ASTN1: variants seen among roughly 807,000 people sequenced by gnomAD.
ASTN1 encodes the protein astrotactin-1.
In ASTN1, 41 loss-of-function variants were observed where a neutral mutation model predicts 140.7. The observed-to-expected ratio is 0.29, with a 90% CI of 0.23 to 0.38. The LOEUF is 0.38. Among genes scored for constraint, ASTN1 ranks in the 10% least tolerant of loss-of-function variants. The pLI is 1.00. For missense variants in ASTN1, 1,479 were observed against 1,678.8 expected, an observed-to-expected ratio of 0.88 and a Z score of 2.08; for synonymous variants, 640 against 652.2, an observed-to-expected ratio of 0.98 and a Z score of 0.29.
At chr1:176,911,544 A>T (rs1356503894) in intron 16 of ASTN1, among the ~76,000 whole-genome samples, 1 of 151,062 alleles carries the variant, frequency 6.6e-6, no homozygotes, top group African/African-American at 2.4e-5. Flanking sequence ...TTATTTTTTT[A>T]TTTTTTTTAC....
rs547397175 is a variant in ASTN1, at chr1:177,129,642, A to G, written c.283+34752T>C. Among the ~76,000 whole-genome samples the G allele has an allele frequency of 2.6e-5, 4 of 152,336 alleles. No homozygotes were observed. In the East Asian group the frequency reaches 7.7e-4, roughly 29 times the overall value. ...AGTGACGTGCTAAAAGTCATGCTAT[A>G]TTCTCTTCCTTGCATTCCATCTTCT... On this transcript the variant is annotated intron_variant, in intron 1 of 22. Transcript: ENST00000361833.
chr1:176,884,360 C>A lies in ASTN1; in HGVS notation c.3205G>T (p.Asp1069Tyr), dbSNP rs1282608240. Reference sequence around the variant, plus strand: ...TCACCTGTCTCCACTTTGGAGTGGTCCATCCTGTCAGTGACTTTCTCTTGA... The same window carrying A: ...TCACCTGTCTCCACTTTGGAGTGGTACATCCTGTCAGTGACTTTCTCTTGA... ...LRQEKVTDRM[D>Y]HSKVETETVL... Residue 1069 changes from aspartate (D) to tyrosine (Y), a missense_variant, in exon 19 of 23, where the codon GAC becomes TAC. By Grantham distance (160) the Asp-to-Tyr change is radical. This residue lies in a region of ASTN1 where 746 missense variants were observed against 800.9 expected (regional missense o/e 0.93). Transcript: ENST00000361833. 4 of 1,614,022 alleles carry A rather than the reference C, an allele frequency of 2.5e-6. No homozygotes were observed. Among genetic ancestry groups the A allele is most frequent in the African/African-American group, 1.3e-5 (1 of 74,922 alleles).
At chr1:177,061,312 A>G (rs1238450899) in intron 1 of ASTN1, 47 bp from the exon 2 acceptor site, 1 of 1,421,854 alleles carries the variant, frequency 7.0e-7, no homozygotes, top group Non-Finnish European at 9.3e-7. Flanking sequence ...GGATGGGACC[A>G]AGTTTTTCAT....
chr1:177,032,514 C>T lies in ASTN1; in HGVS notation c.807G>A (p.Thr269=), dbSNP rs747372559. Residue 269 remains threonine (T), a synonymous_variant, in exon 3 of 23, where the codon ACG becomes ACA. Transcript: ENST00000361833. ...NGGEDFASQV[T]RTLDSLQGCN... ...AGCCCTGCAGGGAGTCGAGGGTGCG[C>T]GTGACCTGGCTGGCAAAGTCCTCCC... 6.8e-6 allele frequency: 11 copies of T among 1,614,000 alleles called. No homozygotes were observed. The highest frequency in any genetic ancestry group is 1.1e-5 in the South Asian group (1 of 91,078).
In ASTN1 at chr1:176,949,365, A is replaced by G; in HGVS notation, c.1888-14T>C. ...TCCAGATGGGCACTGGCACAATCAG[A>G]AAACATCCACATACGTGGGTGAATC... On this transcript the variant is annotated splice_polypyrimidine_tract_variant and intron_variant, in intron 11 of 22. Coordinates refer to ENST00000361833, the MANE Select transcript of ASTN1 (RefSeq NM_004319.3). 1 of 1,608,912 alleles carries G rather than the reference A, an allele frequency of 6.2e-7. No individual in the cohort carries two copies.
At chr1:176,860,507 G>A (rs535855455), downstream of ASTN1, among the ~76,000 whole-genome samples, 5 of 152,298 alleles carry the variant, frequency 3.3e-5, no homozygotes, top group South Asian at 2.1e-4. Flanking sequence ...AAGAGATTAC[G>A]TATTTTGGGC....
rs919935001 is a variant in ASTN1, at chr1:176,939,646, T to C, written c.2378-3276A>G. On this transcript the variant is annotated intron_variant, in intron 14 of 22. Transcript: ENST00000361833. Reference sequence around the variant, plus strand: ...TCAATTTTTTAAAAAATTTTTATTATTTTGGGACACATTTCTGCTGAATGA... The same window carrying C: ...TCAATTTTTTAAAAAATTTTTATTACTTTGGGACACATTTCTGCTGAATGA... Among the ~76,000 whole-genome samples the C allele has an allele frequency of 9.2e-5, 14 of 152,172 alleles. 1 individual carries two copies. Among genetic ancestry groups the C allele is most frequent in the Admixed American group, 9.2e-4 (14 of 15,276 alleles).
intron 9 of ASTN1, among the ~76,000 whole-genome samples, chr1:176,961,005 C>G (rs532504419): frequency 2.7e-4 from 41 of 152,274 alleles, no homozygotes; most frequent in African/African-American, 9.9e-4. Flanking sequence ...TATCCATCAC[C>G]ACTCAGAAGA....
downstream of ASTN1, chr1:176,857,661 A>T: frequency 1.7e-6 from 1 of 599,964 alleles, no homozygotes. Context: ...CTGTTGACAA[A>T]GGAGTGTGGG....
intron 9 of ASTN1, 35 bp from the exon 10 acceptor site, chr1:176,958,517 G>A (rs1169039716): frequency 1.3e-6 from 2 of 1,582,004 alleles, no homozygotes; most frequent in African/African-American, 1.3e-5. Context: ...GGTCATGACT[G>A]GGGGCATAAC....
chr1:177,042,069 A>G (rs1677002905), intron 2 of ASTN1, among the ~76,000 whole-genome samples: 1 of 152,258 alleles, frequency 6.6e-6, no homozygotes, highest in South Asian at 2.1e-4. Context: ...GCACATATTC[A>G]TCAGTATCAC....
chr1:177,164,078 T>G (rs1340715378), intron 1 of ASTN1, among the ~76,000 whole-genome samples: 1 of 151,980 alleles, frequency 6.6e-6, no homozygotes, highest in African/African-American at 2.4e-5. Context: ...AAAAGTGCTG[T>G]GTGGATGTGC....
In ASTN1 at chr1:176,884,385, A is replaced by G; in HGVS notation, c.3180T>C (p.Arg1060=). The G allele has an allele frequency of 6.2e-7, 1 of 1,614,120 alleles. No individual in the cohort carries two copies. The highest frequency in any genetic ancestry group is 8.5e-7 in the Non-Finnish European group (1 of 1,180,018). ...CCATCCTGTCAGTGACTTTCTCTTG[A>G]CGGAGGAGGTAATCTACAATCTGCA... ...IGVQIVDYLL[R]QEKVTDRMDH... is the part of the protein sequence containing the mutation. The change falls in exon 19 of 23, where the codon CGT becomes CGC. Residue 1060 remains arginine (R), a synonymous_variant. Transcript: ENST00000361833.
intron 1 of ASTN1, among the ~76,000 whole-genome samples, chr1:177,136,602 C>T (rs1410048029): frequency 6.6e-6 from 1 of 152,238 alleles, no homozygotes; most frequent in Non-Finnish European, 1.5e-5. Flanking sequence ...GATCCCCCTG[C>T]CTCGGCTTCC....
chr1:177,151,675 T>TC (rs1456667811), intron 1 of ASTN1, among the ~76,000 whole-genome samples: 1 of 152,160 alleles, frequency 6.6e-6, no homozygotes, highest in African/African-American at 2.4e-5. Context: ...TTAAGTCACT[T>TC]CCTAAGAACT....
chr1:176,930,726 C>T (rs970896451), intron 16 of ASTN1, among the ~76,000 whole-genome samples: 3 of 151,994 alleles, frequency 2.0e-5, no homozygotes, highest in African/African-American at 7.3e-5. Flanking sequence ...CCTTCTCCAG[C>T]GCTGTTTTTG....
In ASTN1 at chr1:177,030,913, T is replaced by C; in HGVS notation, c.905A>G (p.Lys302Arg). Residue 302 changes from lysine to arginine, a missense_variant, in exon 4 of 23, where the codon AAA (lysine) becomes AGA (arginine). By Grantham distance (26) the Lys-to-Arg change is conservative (BLOSUM62 2). Around this residue, in one of 3 missense-constraint regions of ASTN1, gnomAD observed 729 missense variants for 860.4 expected, o/e 0.85. Coordinates refer to ENST00000361833, the MANE Select transcript of ASTN1 (RefSeq NM_004319.3). ...NAKLSLMNKY[K>R]DNIIATSPVD... ...AGGGCTAGTGGCTATAATATTATCT[T>C]TATACTTGTTCATCAGTGACAGCTT... 6.2e-7 allele frequency: 1 copy of C among 1,614,030 alleles called. No homozygotes were observed. Among genetic ancestry groups the C allele is most frequent in the Admixed American group, 1.7e-5 (1 of 60,018 alleles).
intron 17 of ASTN1, among the ~76,000 whole-genome samples, chr1:176,893,169 C>A (rs529763737): frequency 1.2e-4 from 19 of 152,198 alleles, no homozygotes; most frequent in Non-Finnish European, 2.2e-4. Flanking sequence ...GAGCTCTGCA[C>A]GCCCTGTTGC....
At chr1:177,062,844 A>T (rs906715355) in intron 1 of ASTN1, among the ~76,000 whole-genome samples, 4 of 152,210 alleles carry the variant, frequency 2.6e-5, no homozygotes, top group Admixed American at 2.6e-4. Context: ...CCAGGCACTC[A>T]GATACTAATC....
Sources: allele counts gnomAD v4.1 joint callset (sites outside exome capture counted in the v4.1 genomes callset), GRCh38; gene constraint gnomAD v4.1.1; regional missense constraint gnomAD v4.1.1; transcripts MANE v1.5; gene names NCBI Gene and HGNC (gene_info 2026-07-23, HGNC 2026-07-21).